The following RNF43 variants were observed in gnomAD, a reference collection of about 807,000 sequenced individuals.
RNF43 encodes the protein E3 ubiquitin-protein ligase RNF43.
Under a neutral mutation model 78.4 loss-of-function variants are expected in RNF43, and 37 were observed. That is an observed-to-expected ratio of 0.47 (90% CI 0.36 to 0.62). RNF43 has a LOEUF of 0.62. Ranked by LOEUF, RNF43 falls within the 20% of genes least tolerant of loss-of-function variation. The pLI, the probability that RNF43 is intolerant of heterozygous loss-of-function variation, is 0.00. For missense variants in RNF43, 774 were observed against 1,007.9 expected (o/e 0.77, Z 3.14); for synonymous variants, 347 against 395.0 (o/e 0.88, Z 1.44).
Position 58,370,997 on chromosome 17 carries a change from C to T in RNF43, c.289G>A (p.Asp97Asn), listed in dbSNP as rs771597876. ...CTGATGAATCCAGGCTCCAGATTGT[C>T]GTCATCACTGGCATTGCACAGGTAC... ...PLYLCNASDD[D>N]NLEPGFISIV... Residue 97 changes from aspartate (D) to asparagine (N), a missense_variant, in exon 3 of 10, where the codon GAC (aspartate) becomes AAC (asparagine). Physicochemically the swap from Asp to Asn is conservative, Grantham distance 23. Coordinates refer to ENST00000407977, the MANE Select transcript of RNF43 (RefSeq NM_017763.6). 4.0e-5 allele frequency: 64 copies of T among 1,610,566 alleles called. No individual in the cohort carries two copies. The highest frequency in any genetic ancestry group is 5.3e-5 in the Non-Finnish European group (62 of 1,178,004).
chr17:58,371,896 T>C (rs1029041589), intron 2 of RNF43, among the ~76,000 whole-genome samples: 26 of 152,236 alleles, frequency 1.7e-4, no homozygotes, highest in African/African-American at 6.3e-4. Context: ...CCTTACTCTC[T>C]CTTCTCATTC....
chr17:58,395,006 T>C (rs1176997394), intron 2 of RNF43: 2 of 152,248 alleles, frequency 1.3e-5, no homozygotes, highest in Non-Finnish European at 2.9e-5. Context: ...CATGGTGCTG[T>C]GCAGGCAAGT....
chr17:58,395,404 A>G (rs1293895120), intron 2 of RNF43, among the ~76,000 whole-genome samples: 2 of 152,200 alleles, frequency 1.3e-5, no homozygotes, highest in African/African-American at 4.8e-5. Flanking sequence ...ATCCAAATCC[A>G]CTACCACAGC....
At chr17:58,366,467 A>C (rs953727455) in intron 3 of RNF43, among the ~76,000 whole-genome samples, 2 of 152,186 alleles carry the variant, frequency 1.3e-5, no homozygotes, top group African/African-American at 4.8e-5. Flanking sequence ...TTCTGCTCCT[A>C]CTGGGCTGGC....
At position 58,358,309 on chromosome 17, in the gene RNF43, C is replaced by T. The variant is rs766694520; in HGVS notation, c.1467G>A (p.Gly489=). ...AGAAAGTAGAACTGCTGCCATGGAC[C>T]CCCTGTAGGCTGATGTCCGTGCAGT... The part of the protein sequence containing the change: ...VVNCTDISLQ[G]VHGSSSTFCS... Residue 489 remains glycine (G), a synonymous_variant, in exon 9 of 10, where the codon GGG becomes GGA. Coordinates refer to ENST00000407977, the MANE Select transcript of RNF43 (RefSeq NM_017763.6). The surrounding 1 kb of genome is among the most constrained non-coding windows in gnomAD (Gnocchi z 6.2). The T allele has an allele frequency of 8.1e-6, 13 of 1,613,998 alleles. No homozygotes were observed. The South Asian group carries it at 1.1e-4, about 14-fold the overall frequency.
intron 2 of RNF43, 46 bp downstream of exon 2, chr17:58,415,279 CA>C: frequency 1.3e-6 from 2 of 1,595,556 alleles, no homozygotes; most frequent in South Asian, 1.1e-5. Flanking sequence ...AGAAGAAAGA[CA>C]TATTTCAAAC....
At chr17:58,382,247 T>C (rs1320467057) in intron 2 of RNF43, among the ~76,000 whole-genome samples, 1 of 152,216 alleles carries the variant, frequency 6.6e-6, no homozygotes, top group African/African-American at 2.4e-5. Context: ...AAGTAGAATC[T>C]GAGCTCCTTG....
chr17:58,378,758 C>T (rs965849582), intron 2 of RNF43, among the ~76,000 whole-genome samples: 3 of 151,926 alleles, frequency 2.0e-5, no homozygotes, highest in African/African-American at 2.4e-5. Flanking sequence ...TGCTGGTGAG[C>T]GAAAGAGCTG....
intron 3 of RNF43, among the ~76,000 whole-genome samples, chr17:58,368,993 G>C (rs1332550832): frequency 2.0e-5 from 3 of 151,976 alleles, no homozygotes; most frequent in African/African-American, 7.3e-5. Context: ...CTGTGGAAAG[G>C]GGGCAGCCCC....
At chr17:58,404,908 AAGTC>A (rs1276633815) in intron 2 of RNF43, among the ~76,000 whole-genome samples, 1 of 152,020 alleles carries the variant, frequency 6.6e-6, no homozygotes, top group African/African-American at 2.4e-5. Flanking sequence ...ACATTTTAGA[AAGTC>A]AGTTTACAAT....
Position 58,358,932 on chromosome 17 carries a change from G to A in RNF43, c.953-109C>T. 7 of 1,197,506 alleles carry A rather than the reference G, an allele frequency of 5.8e-6. No homozygotes were observed. The highest frequency in any genetic ancestry group is 7.8e-6 in the Non-Finnish European group (7 of 896,534). 74.2% of individuals were successfully genotyped at this position (1,197,506 alleles called of 1,614,324 possible). A position where few individuals can be genotyped will look rare whatever the true frequency, so the allele number is the denominator to read the frequency against. On this transcript the variant is annotated intron_variant, in intron 8 of 9. Transcript: ENST00000407977. The surrounding 1 kb of genome is among the most constrained non-coding windows in gnomAD (Gnocchi z 6.2). ...CTATTTGACCCTGAGTAGCCTGTGA[G>A]CTCAGAGTTTGGGGGATCAAGGACG...
chr17:58,416,452 A>G (rs1326135775), intron 1 of RNF43: 4 of 152,200 alleles, frequency 2.6e-5, no homozygotes, highest in African/African-American at 9.7e-5. Flanking sequence ...CCCAGTTAAA[A>G]TTCATATTTC....
rs945336315 is a variant in RNF43 at position 58,415,900 on chromosome 17, G to A, written c.-323C>T. On this transcript the variant is annotated 5_prime_UTR_variant, in exon 2 of 10. In the 5' UTR this introduces an upstream ATG that the reference lacks. Coordinates refer to ENST00000407977, the MANE Select transcript of RNF43 (RefSeq NM_017763.6). ...TTTGCTTGTGATTGAATGTCACTTCGTGAATTTGTATTATGTCAGATCACT... is the reference window on the plus strand; with the variant it reads ...TTTGCTTGTGATTGAATGTCACTTCATGAATTTGTATTATGTCAGATCACT... The A allele has an allele frequency of 1.7e-5, 7 of 421,832 alleles. No homozygotes were observed. Among genetic ancestry groups the A allele is most frequent in the East Asian group, 4.0e-5 (1 of 25,050 alleles). The allele number at this position is 421,832 out of a possible 1,614,324, so 26.1% of individuals were successfully genotyped here. A position where few individuals can be genotyped will look rare whatever the true frequency, so the allele number is the denominator to read the frequency against.
At chr17:58,397,048 A>T (rs866109293) in intron 2 of RNF43, among the ~76,000 whole-genome samples, 2 of 152,076 alleles carry the variant, frequency 1.3e-5, no homozygotes, top group African/African-American at 4.8e-5. Flanking sequence ...TAGAAATAAA[A>T]AAAAAAAAAA....
intron 2 of RNF43, among the ~76,000 whole-genome samples, chr17:58,399,013 A>C (rs759049382): frequency 3.9e-5 from 6 of 152,182 alleles, no homozygotes; most frequent in Non-Finnish European, 7.4e-5. Context: ...GGTCCTCCCC[A>C]CGCCCCACTG....
At position 58,360,337 on chromosome 17, in the gene RNF43, C is replaced by A; in HGVS notation, c.850-86G>T. The A allele has an allele frequency of 1.2e-5, 11 of 916,174 alleles. No individual in the cohort carries two copies. The South Asian group carries it at 1.4e-4, about 11-fold the overall frequency. 56.8% of individuals were successfully genotyped at this position (916,174 alleles called of 1,614,324 possible). ...CAGGACATCCCCCAACTCCCTTAGG[C>A]CTCTCCTTGCTATTATCTACTTGTA... On this transcript the variant is annotated intron_variant, in intron 7 of 9. Transcript: ENST00000407977. The surrounding 1 kb of genome is among the most constrained non-coding windows in gnomAD (Gnocchi z 4.3).
At chr17:58,414,257 T>C (rs954664111) in intron 2 of RNF43, among the ~76,000 whole-genome samples, 3 of 152,214 alleles carry the variant, frequency 2.0e-5, no homozygotes, top group African/African-American at 7.2e-5. Flanking sequence ...CTATAATCTG[T>C]TAAATTTTCC....
chr17:58,357,891 C>G lies in RNF43; in HGVS notation c.1885G>C (p.Ala629Pro), dbSNP rs538022572. The G allele has an allele frequency of 6.2e-7, 1 of 1,613,246 alleles. No homozygotes were observed. Among genetic ancestry groups the G allele is most frequent in the Admixed American group, 1.7e-5 (1 of 59,924 alleles). ...CTGGTACTGGGGCAGATGCTGGAGG[C>G]GTCAACTGGGCCAGGGGCTGGCTCA... Reference protein sequence around the residue: ...LPEPAPGPVDASSICPSTSSL... With the variant: ...LPEPAPGPVDPSSICPSTSSL... Residue 629 changes from alanine to proline, a missense_variant, in exon 9 of 10, where the codon GCC becomes CCC. Coordinates refer to ENST00000407977, the MANE Select transcript of RNF43 (RefSeq NM_017763.6). The surrounding 1 kb of genome is among the most constrained non-coding windows in gnomAD (Gnocchi z 4.5).
At chr17:58,361,885 A>G (rs1245207225) in intron 6 of RNF43, among the ~76,000 whole-genome samples, 1 of 152,112 alleles carries the variant, frequency 6.6e-6, no homozygotes, top group Admixed American at 6.5e-5. Context: ...CTGCAATGCC[A>G]TCTTCTCAAT....
Sources: gnomAD v4.1 joint callset for allele counts (sites outside exome capture counted in the v4.1 genomes callset) on GRCh38, gnomAD v4.1.1 for gene constraint, Gnocchi (gnomAD v3.1) non-coding constraint, MANE v1.5 for transcripts, NCBI Gene and HGNC (gene_info 2026-07-23, HGNC 2026-07-21) for gene names.